Variants in PTK7 observed in about 807,000 individuals in gnomAD.
PTK7 encodes the protein protein tyrosine kinase 7 (inactive).
PTK7 carries 39 observed loss-of-function variants against 116.6 expected under a neutral mutation model. The ratio of observed to expected loss-of-function variants is 0.33; its 90% CI spans 0.26 to 0.44. The LOEUF is 0.44. PTK7 is among the 20% of genes least tolerant of loss of function. The pLI, the probability that PTK7 is intolerant of heterozygous loss-of-function variation, is 1.00. For synonymous variants in PTK7, 546 were observed against 563.6 expected (o/e 0.97, Z 0.44); for missense variants, 1,169 against 1,425.6 (o/e 0.82, Z 2.90).
chr6:43,122,694 T>A (rs113988038), intron 1 of PTK7, among the ~76,000 whole-genome samples: 16,558 of 150,048 alleles, frequency 0.11, 1,485 homozygotes, highest in East Asian at 0.31. Flanking sequence ...GCAACCTCTG[T>A]CTCCCTGGTT....
intron 1 of PTK7, among the ~76,000 whole-genome samples, chr6:43,091,460 C>A (rs956941037): frequency 6.6e-6 from 1 of 152,182 alleles, no homozygotes; most frequent in South Asian, 2.1e-4. Flanking sequence ...AGCCACTGCG[C>A]CTGGCCGGTT....
intron 1 of PTK7, among the ~76,000 whole-genome samples, chr6:43,080,070 G>A (rs1489925743): frequency 7.0e-6 from 1 of 142,446 alleles, no homozygotes; most frequent in African/African-American, 2.6e-5. Flanking sequence ...AAAAAAAAAA[G>A]GGCAGGATGC....
chr6:43,080,818 T>C (rs1293098435), intron 1 of PTK7, among the ~76,000 whole-genome samples: 1 of 152,072 alleles, frequency 6.6e-6, no homozygotes, highest in Non-Finnish European at 1.5e-5. Flanking sequence ...GGCACACACC[T>C]CTAATCCCAT....
At chr6:43,144,742 T>TA in intron 15 of PTK7, 136 bp downstream of exon 15, 1 of 1,117,872 alleles carries the variant, frequency 8.9e-7, no homozygotes, top group Non-Finnish European at 1.2e-6. Context: ...GGTAGAGATC[T>TA]AGCCCAGTGT....
At chr6:43,085,933 CAAAAA>C in intron 1 of PTK7, among the ~76,000 whole-genome samples, 1 of 72,398 alleles carries the variant, frequency 1.4e-5, no homozygotes, top group South Asian at 4.4e-4. Context: ...AACTCTGTCT[CAAAAA>C]AAAAAAAAAA....
chr6:43,096,456 G>A (rs547597237), intron 1 of PTK7, among the ~76,000 whole-genome samples: 2 of 152,230 alleles, frequency 1.3e-5, no homozygotes, highest in South Asian at 4.1e-4. Context: ...GTGAAGGGGA[G>A]GTGGGGGTGG....
At chr6:43,155,568 C>T (rs1429612862) in intron 17 of PTK7, among the ~76,000 whole-genome samples, 2 of 148,498 alleles carry the variant, frequency 1.3e-5, no homozygotes, top group South Asian at 2.1e-4. Context: ...CGCTTGAACC[C>T]GGGAGGCGGA....
chr6:43,077,847 A>ATTAC (rs1461105801), intron 1 of PTK7, among the ~76,000 whole-genome samples: 1 of 152,152 alleles, frequency 6.6e-6, no homozygotes, highest in Non-Finnish European at 1.5e-5. Context: ...GTAAAAGGAG[A>ATTAC]GGTAAATGTA....
At position 43,158,988 on chromosome 6, in the gene PTK7, G is replaced by A. The variant is rs766547018; in HGVS notation, c.2873+20G>A. The A allele has an allele frequency of 3.1e-6, 5 of 1,611,604 alleles. No individual in the cohort carries two copies. The highest frequency in any genetic ancestry group is 4.2e-6 in the Non-Finnish European group (5 of 1,178,360). ...CAACAGGTAGAAGGGCATGCGTGGG[G>A]TGGGGGCTCCCCATTTTTTCCCAGA... On this transcript the variant is annotated intron_variant, in intron 18 of 19. Transcript: ENST00000230419.
intron 1 of PTK7, among the ~76,000 whole-genome samples, chr6:43,113,615 A>G (rs78279082): frequency 0.015 from 2,269 of 152,146 alleles, 64 homozygotes; most frequent in African/African-American, 0.051. Flanking sequence ...TCTGGAAGCC[A>G]AGTGCTTTGC....
chr6:43,078,187 A>G (rs1766165941), intron 1 of PTK7, among the ~76,000 whole-genome samples: 1 of 152,050 alleles, frequency 6.6e-6, no homozygotes, highest in African/African-American at 2.4e-5. Context: ...CTGAATTCCT[A>G]AATTCCTTCC....
At chr6:43,118,651 CTCTCTCTCTATATATATATATA>C (rs1420931350) in intron 1 of PTK7, among the ~76,000 whole-genome samples, 19 of 82,686 alleles carry the variant, frequency 2.3e-4, no homozygotes, top group South Asian at 1.5e-3. Flanking sequence ...CTCTCTCTCT[CTCTCTCTCTATATATATATATA>C]TATATATATA....
intron 1 of PTK7, among the ~76,000 whole-genome samples, chr6:43,113,425 T>TC (rs1198367566): frequency 6.6e-6 from 1 of 151,806 alleles, no homozygotes; most frequent in Admixed American, 6.6e-5. Context: ...AGAGCGGTAC[T>TC]CCATCTCAAA....
chr6:43,126,068 C>G (rs1769269404), intron 1 of PTK7, among the ~76,000 whole-genome samples: 1 of 152,066 alleles, frequency 6.6e-6, no homozygotes, highest in Non-Finnish European at 1.5e-5. Flanking sequence ...ATCTGTAATC[C>G]CAGCACTTTA....
At chr6:43,118,950 G>A (rs1436017663) in intron 1 of PTK7, among the ~76,000 whole-genome samples, 1 of 151,358 alleles carries the variant, frequency 6.6e-6, no homozygotes, top group Admixed American at 6.6e-5. Flanking sequence ...TTGTAGAGAT[G>A]GGGTTTCATT....
intron 1 of PTK7, among the ~76,000 whole-genome samples, chr6:43,082,466 G>A (rs1223068870): frequency 6.6e-6 from 1 of 151,946 alleles, no homozygotes; most frequent in Non-Finnish European, 1.5e-5. Context: ...GTGAGCCACC[G>A]TGCCCTGCTG....
chr6:43,077,754 T>C (rs1766137376), intron 1 of PTK7, among the ~76,000 whole-genome samples: 1 of 152,222 alleles, frequency 6.6e-6, no homozygotes, highest in Non-Finnish European at 1.5e-5. Context: ...GGGTAAGGAA[T>C]TGCCTTTCTA....
chr6:43,119,236 A>T (rs1028826912), intron 1 of PTK7, among the ~76,000 whole-genome samples: 3 of 152,132 alleles, frequency 2.0e-5, no homozygotes, highest in Non-Finnish European at 4.4e-5. Context: ...CCAGGTCTGC[A>T]GGCTGTGCTT....
intron 17 of PTK7, among the ~76,000 whole-genome samples, chr6:43,152,796 A>G (rs1025652740): frequency 2.6e-5 from 3 of 115,148 alleles, no homozygotes; most frequent in East Asian, 4.5e-4. Flanking sequence ...TATGTTATGT[A>G]TTCTTTAGAG....
Sources: gnomAD v4.1 joint callset for allele counts (sites outside exome capture counted in the v4.1 genomes callset) on GRCh38, gnomAD v4.1.1 for gene constraint, MANE v1.5 for transcripts, NCBI Gene and HGNC (gene_info 2026-07-23, HGNC 2026-07-21) for gene names.